The following RALY variants were observed in gnomAD, a reference collection of about 807,000 sequenced individuals.
RALY encodes the protein RALY heterogeneous nuclear ribonucleoprotein.
A neutral mutation model predicts 30.7 loss-of-function variants in RALY; 15 were observed. The ratio of observed to expected loss-of-function variants is 0.49; its 90% CI spans 0.33 to 0.75. The LOEUF (loss-of-function observed/expected upper bound fraction) is 0.75. Ranked by LOEUF, RALY falls within the 30% of genes least tolerant of loss-of-function variation. The probability of loss-of-function intolerance (pLI) is 0.02; values close to 1 mark genes in which losing one functional copy is unlikely to be tolerated. For synonymous variants in RALY, 177 were observed against 170.8 expected (o/e 1.04, Z -0.28); for missense variants, 339 against 414.3 (o/e 0.82, Z 1.58).
intron 2 of RALY, among the ~76,000 whole-genome samples, chr20:34,034,481 C>T (rs572860925): frequency 6.6e-6 from 1 of 152,148 alleles, no homozygotes; most frequent in East Asian, 1.9e-4. Flanking sequence ...TATATGCTTC[C>T]TGTAACAACT....
intron 2 of RALY, among the ~76,000 whole-genome samples, chr20:34,037,882 A>G (rs1438982189): frequency 6.6e-6 from 1 of 152,142 alleles, no homozygotes; most frequent in Non-Finnish European, 1.5e-5. Context: ...TGCCAGTGTA[A>G]TCATCAGATG....
At chr20:33,996,015 C>T (rs111652375) in intron 1 of RALY, among the ~76,000 whole-genome samples, 7 of 152,322 alleles carry the variant, frequency 4.6e-5, no homozygotes, top group South Asian at 2.1e-4. Context: ...CAGGTTTAAG[C>T]ACAGGTGTAC....
In RALY at chr20:34,077,183, G is replaced by T; in HGVS notation, c.814G>T (p.Glu272Ter). 1 of 1,613,830 alleles carries T rather than the reference G, an allele frequency of 6.2e-7. No individual in the cohort carries two copies. Among genetic ancestry groups the T allele is most frequent in the Non-Finnish European group, 8.5e-7 (1 of 1,179,998 alleles). Reference protein sequence around the residue: ...TTSEAGLPQGEARTRDDGDEE... With the variant: ...TTSEAGLPQG ...TTCTGAGGCAGGCCTGCCCCAGGGG[G>T]AAGCACGGACCCGAGACGACGGCGA... The change falls in exon 8 of 10, where the codon GAA becomes TAA. Residue 272 changes from glutamate to a stop codon, truncating the protein, a stop_gained. Coordinates refer to ENST00000246194, the MANE Select transcript of RALY (RefSeq NM_016732.3). LOFTEE classifies it high-confidence loss of function.
chr20:34,013,594 C>T (rs2031496482), intron 1 of RALY, among the ~76,000 whole-genome samples: 1 of 152,072 alleles, frequency 6.6e-6, no homozygotes, highest in Non-Finnish European at 1.5e-5. Flanking sequence ...ATATCAATTC[C>T]AATGCCACTT....
intron 1 of RALY, among the ~76,000 whole-genome samples, chr20:34,001,518 C>T (rs1156363772): frequency 1.3e-5 from 2 of 152,124 alleles, no homozygotes; most frequent in African/African-American, 4.8e-5. Context: ...AGATTTTCTT[C>T]ATTCCAGAGG....
In RALY at chr20:34,082,429, A is replaced by G. The variant is rs2034044154; in HGVS notation, c.*2524A>G. 1.3e-5 allele frequency: 2 copies of G among 152,244 alleles called. No individual in the cohort carries two copies. The highest frequency in any genetic ancestry group is 4.1e-4 in the South Asian group (2 of 4,834). The allele number at this position is 152,244 out of a possible 1,614,324, so 9.4% of individuals were successfully genotyped here. ...TGCCTGCTGCAGGTCCTACCCAAGCATGCTTTACTGAGGAACTCAACGTTT... is the reference window on the plus strand; with the variant it reads ...TGCCTGCTGCAGGTCCTACCCAAGCGTGCTTTACTGAGGAACTCAACGTTT... On this transcript the variant is annotated 3_prime_UTR_variant, in exon 10 of 10. Transcript: ENST00000246194.
Position 34,001,142 on chromosome 20 carries a change from G to A in RALY, c.-93+7011G>A, listed in dbSNP as rs147003006. On this transcript the variant is annotated intron_variant, in intron 1 of 9. Transcript: ENST00000246194. ...GCTTGTGAGATGAATTTATCAAATT[G>A]TATGCTGAGTTCCATTATAAACTTG... Among the ~76,000 whole-genome samples, 446 of 152,342 alleles carry A rather than the reference G, an allele frequency of 2.9e-3. 1 individual carries two copies. The highest frequency in any genetic ancestry group is 4.6e-3 in the Non-Finnish European group (310 of 68,030).
intron 1 of RALY, chr20:34,017,480 C>G (rs1015849868): frequency 2.0e-5 from 3 of 152,228 alleles, no homozygotes; most frequent in Non-Finnish European, 4.4e-5. Context: ...TGTTCAAAGA[C>G]TGGAGGAAAT....
At chr20:34,025,604 C>T (rs2031991727) in intron 1 of RALY, among the ~76,000 whole-genome samples, 1 of 151,978 alleles carries the variant, frequency 6.6e-6, no homozygotes, top group Non-Finnish European at 1.5e-5. Flanking sequence ...TCACCTGGCC[C>T]AACACCTTTC....
intron 8 of RALY, chr20:34,077,473 A>G (rs899139837): frequency 7.0e-6 from 6 of 863,092 alleles, no homozygotes; most frequent in Non-Finnish European, 8.6e-6. Context: ...CCTCCCCCAA[A>G]TGCGGGCACA....
At chr20:33,995,055 G>A (rs2030544168) in intron 1 of RALY, among the ~76,000 whole-genome samples, 1 of 152,102 alleles carries the variant, frequency 6.6e-6, no homozygotes, top group African/African-American at 2.4e-5. Context: ...TCATCTCTTA[G>A]TGCAGAGGGT....
At chr20:34,065,392 GC>G (rs2033541961) in intron 2 of RALY, among the ~76,000 whole-genome samples, 1 of 152,016 alleles carries the variant, frequency 6.6e-6, no homozygotes, top group African/African-American at 2.4e-5. Flanking sequence ...GAACAGCAGA[GC>G]CAAGGCCAAG....
intron 1 of RALY, among the ~76,000 whole-genome samples, chr20:34,014,633 T>G (rs931640240): frequency 2.6e-5 from 4 of 152,200 alleles, no homozygotes; most frequent in African/African-American, 9.6e-5. Context: ...AAAAGCAGTC[T>G]GATTCTTAGC....
At chr20:34,011,435 A>G (rs1236435644) in intron 1 of RALY, among the ~76,000 whole-genome samples, 1 of 152,196 alleles carries the variant, frequency 6.6e-6, no homozygotes, top group Non-Finnish European at 1.5e-5. Context: ...TCAGACAAAA[A>G]CATATCCTTG....
chr20:34,047,726 T>C (rs1036859416), intron 2 of RALY, among the ~76,000 whole-genome samples: 3 of 152,232 alleles, frequency 2.0e-5, no homozygotes, highest in Non-Finnish European at 2.9e-5. Flanking sequence ...GTGGTTGATA[T>C]CTGCTTTTGA....
intron 2 of RALY, among the ~76,000 whole-genome samples, chr20:34,052,979 G>A (rs548048475): frequency 6.6e-6 from 1 of 152,178 alleles, no homozygotes; most frequent in African/African-American, 2.4e-5. Flanking sequence ...TTGGCATTTA[G>A]TGGGGCTATC....
intron 2 of RALY, among the ~76,000 whole-genome samples, chr20:34,055,158 T>C (rs1361625725): frequency 2.6e-5 from 4 of 152,204 alleles, no homozygotes; most frequent in Non-Finnish European, 5.9e-5. Flanking sequence ...CCAGGTAGTC[T>C]GATTCCAGAG....
intron 3 of RALY, among the ~76,000 whole-genome samples, chr20:34,072,925 A>T (rs1568696190): frequency 1.6e-5 from 2 of 125,518 alleles, no homozygotes; most frequent in Admixed American, 1.8e-4. Context: ...GTATGTATAG[A>T]TGTAGTGTGT....
intron 1 of RALY, among the ~76,000 whole-genome samples, chr20:34,006,262 C>CA (rs2031152656): frequency 6.6e-6 from 1 of 152,208 alleles, no homozygotes; most frequent in Non-Finnish European, 1.5e-5. Flanking sequence ...CCCCTACCTA[C>CA]TTTTCTTCAT....
Sources: gnomAD v4.1 joint callset for allele counts (sites outside exome capture counted in the v4.1 genomes callset) on GRCh38, gnomAD v4.1.1 for gene constraint, MANE v1.5 for transcripts, NCBI Gene and HGNC (gene_info 2026-07-23, HGNC 2026-07-21) for gene names.